NET1: variants seen among roughly 807,000 people sequenced by gnomAD.
The protein encoded by NET1 is neuroepithelial cell-transforming gene 1 protein.
NET1 carries 42 observed loss-of-function variants against 61.1 expected under a neutral mutation model. The ratio of observed to expected loss-of-function variants is 0.69; its 90% CI spans 0.54 to 0.89. The LOEUF (loss-of-function observed/expected upper bound fraction) is 0.89. Among genes scored for constraint, NET1 ranks in the 40% least tolerant of loss-of-function variants. NET1 has a pLI of 0.00. For synonymous variants in NET1, 254 were observed against 281.8 expected, an observed-to-expected ratio of 0.90 and a Z score of 0.99; for missense variants, 654 against 747.3, an observed-to-expected ratio of 0.88 and a Z score of 1.46.
Position 5,426,789 on chromosome 10 carries a change from T to G in NET1, c.195+68T>G. 1 of 1,120,906 alleles carries G rather than the reference T, an allele frequency of 8.9e-7. No homozygotes were observed. The highest frequency in any genetic ancestry group is 1.3e-6 in the Non-Finnish European group (1 of 780,148). The allele number at this position is 1,120,906 out of a possible 1,614,324, so 69.4% of individuals were successfully genotyped here. On this transcript the variant is annotated intron_variant, in intron 2 of 11. Coordinates refer to ENST00000355029, the MANE Select transcript of NET1 (RefSeq NM_001047160.3). The surrounding 1 kb of genome is among the most constrained non-coding windows in gnomAD (Gnocchi z 4.6). Reference sequence around the variant, plus strand: ...ATTAATTCCCTGGTTTCTTTCAGTCTGTTACACAGATCAGTGGTCCTTACT... The same window carrying G: ...ATTAATTCCCTGGTTTCTTTCAGTCGGTTACACAGATCAGTGGTCCTTACT...
rs532192254 is a variant in NET1 at position 5,436,542 on chromosome 10, T to C, written c.255+7313T>C. Among the ~76,000 whole-genome samples, 420 of 151,052 alleles carry C rather than the reference T, an allele frequency of 2.8e-3. 1 individual carries two copies. The highest frequency in any genetic ancestry group is 9.8e-3 in the African/African-American group (402 of 41,110). ...CGAGCCACTGCGCCCAGCCTGGGGG[T>C]TATATTTTGAGTATTGGTATACTCT... is the stretch of plus-strand genomic sequence containing the variant. On this transcript the variant is annotated intron_variant, in intron 3 of 11. Transcript: ENST00000355029.
In NET1 at chr10:5,449,324, C is replaced by G. The variant is rs1006263834; in HGVS notation, c.256-2506C>G. ...CAGGAAAGTTATCCACCATCATCCC[C>G]AAAAGCATGTGAAAAAGTGCAAAGT... On this transcript the variant is annotated intron_variant, in intron 3 of 11. Coordinates refer to ENST00000355029, the MANE Select transcript of NET1 (RefSeq NM_001047160.3). The surrounding 1 kb of genome is among the most constrained non-coding windows in gnomAD (Gnocchi z 4.4). Among the ~76,000 whole-genome samples, 41 of 152,122 alleles carry G rather than the reference C, an allele frequency of 2.7e-4. No homozygotes were observed. Among genetic ancestry groups the G allele is most frequent in the African/African-American group, 9.2e-4 (38 of 41,404 alleles).
intron 3 of NET1, among the ~76,000 whole-genome samples, chr10:5,448,750 G>A (rs771709577): frequency 1.2e-4 from 16 of 138,554 alleles, no homozygotes; most frequent in Non-Finnish European, 2.0e-4. Context: ...TTGCCATAAC[G>A]TGTTTCCAGG....
chr10:5,419,666 T>A (rs537769668), intron 1 of NET1, among the ~76,000 whole-genome samples: 11 of 145,496 alleles, frequency 7.6e-5, no homozygotes, highest in African/African-American at 2.6e-4. Context: ...GTAAGGCAAG[T>A]CCGCTACCAA....
In NET1 at chr10:5,441,563, A is replaced by G. The variant is rs1832525564; in HGVS notation, c.256-10267A>G. 1.3e-5 allele frequency among the ~76,000 whole-genome samples: 2 copies of G among 152,244 alleles called. No individual in the cohort carries two copies. Among genetic ancestry groups the G allele is most frequent in the African/African-American group, 4.8e-5 (2 of 41,464 alleles). On this transcript the variant is annotated intron_variant, in intron 3 of 11. Transcript: ENST00000355029. The surrounding 1 kb of genome is among the most constrained non-coding windows in gnomAD (Gnocchi z 4.6). Reference sequence around the variant, plus strand: ...TACCTGAGATAAAAAGTCACCACTAACAGTGCTGATACCCCATTTGATTGG... The same window carrying G: ...TACCTGAGATAAAAAGTCACCACTAGCAGTGCTGATACCCCATTTGATTGG...
rs976824950 is a variant in NET1 at position 5,435,677 on chromosome 10, G to A, written c.255+6448G>A. Among the ~76,000 whole-genome samples, 5 of 152,100 alleles carry A rather than the reference G, an allele frequency of 3.3e-5. No individual in the cohort carries two copies. The highest frequency in any genetic ancestry group is 4.8e-5 in the African/African-American group (2 of 41,414). ...GCATATAACATGATCATTGTATTAC[G>A]TATTTGGACTTTGGATATCTTATAT... On this transcript the variant is annotated intron_variant, in intron 3 of 11. Transcript: ENST00000355029. The surrounding 1 kb of genome is among the most constrained non-coding windows in gnomAD (Gnocchi z 5.0).
rs1213496212 is a variant in NET1 at position 5,423,357 on chromosome 10, TAAC to T, written c.129-3295_129-3293del. On this transcript the variant is annotated intron_variant, in intron 1 of 11. Coordinates refer to ENST00000355029, the MANE Select transcript of NET1 (RefSeq NM_001047160.3). The surrounding 1 kb of genome is among the most constrained non-coding windows in gnomAD (Gnocchi z 4.4). ...AACATAATTTGGCTTAAGAATGAAT[TAAC>T]AAGATGCTTTTCTTTTGAACAGCAG... Among the ~76,000 whole-genome samples the T allele has an allele frequency of 6.6e-6, 1 of 152,192 alleles. No homozygotes were observed. Among genetic ancestry groups the T allele is most frequent in the Non-Finnish European group, 1.5e-5 (1 of 68,020 alleles).
chr10:5,450,682 C>A (rs797002617), intron 3 of NET1, among the ~76,000 whole-genome samples: 4 of 152,112 alleles, frequency 2.6e-5, no homozygotes, highest in African/African-American at 9.6e-5. Context: ...AAGTATGCCA[C>A]AATTGTCAGA....
At position 5,447,105 on chromosome 10, in the gene NET1, A is replaced by C. The variant is rs1409479923; in HGVS notation, c.256-4725A>C. Reference sequence around the variant, plus strand: ...AAAAAGGAAAAGATTTTAAATGTATATGTTACTCGGGTTACGTTTGTCACA... The same window carrying C: ...AAAAAGGAAAAGATTTTAAATGTATCTGTTACTCGGGTTACGTTTGTCACA... On this transcript the variant is annotated intron_variant, in intron 3 of 11. Transcript: ENST00000355029. This position sits in a 1 kb window ranked among gnomAD's most constrained non-coding sequence, Gnocchi z 4.1. Among the ~76,000 whole-genome samples, 1 of 152,222 alleles carries C rather than the reference A, an allele frequency of 6.6e-6. No homozygotes were observed. The highest frequency in any genetic ancestry group is 1.5e-5 in the Non-Finnish European group (1 of 68,036).
Position 5,426,658 on chromosome 10 carries a change from T to C in NET1, c.132T>C (p.Cys44=), listed in dbSNP as rs764763915. The change falls in exon 2 of 12, where the codon TGT becomes TGC. Residue 44 remains cysteine (C), a synonymous_variant. Coordinates refer to ENST00000355029, the MANE Select transcript of NET1 (RefSeq NM_001047160.3). The surrounding 1 kb of genome is among the most constrained non-coding windows in gnomAD (Gnocchi z 4.6). ...TGTTTGAATTTTCCATTAATAGATG[T>C]TCCCTTCGGAGAGGCAGCTCCTTCA... The part of the protein sequence containing the change: ...DTSGSELDGR[C]SLRRGSSFTF... 8 of 1,604,854 alleles carry C rather than the reference T, an allele frequency of 5.0e-6. No homozygotes were observed. In the South Asian group the frequency reaches 8.9e-5, roughly 18 times the overall value.
In NET1 at chr10:5,446,833, A is replaced by G. The variant is rs771824675; in HGVS notation, c.256-4997A>G. ...AGGACCATACGAGTCCTAGATGTCA[A>G]TAACCAGTCCTTCAGAGAACAAGAG... On this transcript the variant is annotated intron_variant, in intron 3 of 11. Coordinates refer to ENST00000355029, the MANE Select transcript of NET1 (RefSeq NM_001047160.3). This position sits in a 1 kb window ranked among gnomAD's most constrained non-coding sequence, Gnocchi z 5.0. The G allele has an allele frequency of 2.5e-6, 4 of 1,611,324 alleles. No individual in the cohort carries two copies. In the South Asian group the frequency reaches 3.3e-5, roughly 13 times the overall value.
chr10:5,424,622 A>G lies in NET1; in HGVS notation c.129-2033A>G, dbSNP rs1233582492. On this transcript the variant is annotated intron_variant, in intron 1 of 11. Transcript: ENST00000355029. The surrounding 1 kb of genome is among the most constrained non-coding windows in gnomAD (Gnocchi z 6.1). ...TTTTGCGCCACTAAAGAGGCCGTCA[A>G]AAATAGTTTGAGCTCCATGAGTAGT... is the stretch of plus-strand genomic sequence containing the variant. Among the ~76,000 whole-genome samples, 1 of 152,222 alleles carries G rather than the reference A, an allele frequency of 6.6e-6. No individual in the cohort carries two copies. Among genetic ancestry groups the G allele is most frequent in the Non-Finnish European group, 1.5e-5 (1 of 68,040 alleles).
rs1010296874 is a variant in NET1, at chr10:5,417,448, G to T, written c.128+4628G>T. On this transcript the variant is annotated intron_variant, in intron 1 of 11. Coordinates refer to ENST00000355029, the MANE Select transcript of NET1 (RefSeq NM_001047160.3). This position sits in a 1 kb window ranked among gnomAD's most constrained non-coding sequence, Gnocchi z 5.5. Reference sequence around the variant, plus strand: ...CCTCTACGCAGCACTTCCCTGCCCCGCTTTGTATCACTTTATTTTCAGTTT... The same window carrying T: ...CCTCTACGCAGCACTTCCCTGCCCCTCTTTGTATCACTTTATTTTCAGTTT... 2.0e-5 allele frequency among the ~76,000 whole-genome samples: 3 copies of T among 152,110 alleles called. No homozygotes were observed. The highest frequency in any genetic ancestry group is 7.2e-5 in the African/African-American group (3 of 41,412).
intron 1 of NET1, among the ~76,000 whole-genome samples, chr10:5,419,648 T>C (rs1832135851): frequency 6.6e-6 from 1 of 150,836 alleles, no homozygotes; most frequent in Non-Finnish European, 1.5e-5. Context: ...ATTCTTATGG[T>C]ATTTCTTGTA....
rs762651309 is a variant in NET1 at position 5,452,557 on chromosome 10, A to G, written c.531+32A>G. On this transcript the variant is annotated intron_variant, in intron 5 of 11. Transcript: ENST00000355029. The surrounding 1 kb of genome is among the most constrained non-coding windows in gnomAD (Gnocchi z 4.0). Reference sequence around the variant, plus strand: ...TGGCACTCAGTGTACATGTTTTCCCAAAAGAACAGCAAATTGATGCCGATG... The same window carrying G: ...TGGCACTCAGTGTACATGTTTTCCCGAAAGAACAGCAAATTGATGCCGATG... 1 of 1,572,368 alleles carries G rather than the reference A, an allele frequency of 6.4e-7. No individual in the cohort carries two copies. The highest frequency in any genetic ancestry group is 1.2e-5 in the South Asian group (1 of 85,358).
intron 2 of NET1, among the ~76,000 whole-genome samples, chr10:5,428,954 G>A (rs888290361): frequency 6.7e-6 from 1 of 149,514 alleles, no homozygotes; most frequent in African/African-American, 2.5e-5. Context: ...GGCTGGTCTC[G>A]AACTCCTGAC....
chr10:5,445,361 TA>T (rs1832590504), intron 3 of NET1, among the ~76,000 whole-genome samples: 2 of 152,234 alleles, frequency 1.3e-5, no homozygotes, highest in Admixed American at 1.3e-4. Flanking sequence ...CTGTAGCACT[TA>T]TTAGCTACAC....
chr10:5,445,505 T>C (rs1441975372), intron 3 of NET1, among the ~76,000 whole-genome samples: 1 of 152,236 alleles, frequency 6.6e-6, no homozygotes, highest in African/African-American at 2.4e-5. Flanking sequence ...GTGACTTTTA[T>C]ATAATAGATT....
Position 5,454,168 on chromosome 10 carries a change from AG to A in NET1, c.769-96del, listed in dbSNP as rs1214833009. 7.9e-7 allele frequency: 1 copy of A among 1,265,416 alleles called. No individual in the cohort carries two copies. Among genetic ancestry groups the A allele is most frequent in the Non-Finnish European group, 1.1e-6 (1 of 912,576 alleles). The allele number at this position is 1,265,416 out of a possible 1,614,324, so 78.4% of individuals were successfully genotyped here. On this transcript the variant is annotated intron_variant, in intron 8 of 11. Transcript: ENST00000355029. This position sits in a 1 kb window ranked among gnomAD's most constrained non-coding sequence, Gnocchi z 8.1. ...TGTCCACAGCTTGTTAAAACTCTCAAGAATAGCTGTACATTTTGTGTTTCAT... is the reference window on the plus strand; with the variant it reads ...TGTCCACAGCTTGTTAAAACTCTCAAAATAGCTGTACATTTTGTGTTTCAT...
Sources: allele counts gnomAD v4.1 joint callset (sites outside exome capture counted in the v4.1 genomes callset), GRCh38; gene constraint gnomAD v4.1.1; non-coding constraint Gnocchi (gnomAD v3.1); transcripts MANE v1.5; gene names NCBI Gene and HGNC (gene_info 2026-07-23, HGNC 2026-07-21).